KIF3A: variants seen among roughly 807,000 people sequenced by gnomAD.
KIF3A encodes the protein kinesin-like protein KIF3A.
A neutral mutation model predicts 92.6 loss-of-function variants in KIF3A; 27 were observed. The observed-to-expected ratio is 0.29, with a 90% CI of 0.21 to 0.40. KIF3A has a LOEUF of 0.40. KIF3A is among the 10% of genes least tolerant of loss of function. KIF3A has a pLI of 1.00. For missense variants in KIF3A, 581 were observed against 872.6 expected (o/e 0.67, Z 4.21); for synonymous variants, 250 against 275.4 (o/e 0.91, Z 0.92).
downstream of KIF3A, among the ~76,000 whole-genome samples, chr5:132,692,216 G>T (rs2149886371): frequency 6.6e-6 from 1 of 152,272 alleles, no homozygotes; most frequent in African/African-American, 2.4e-5. Flanking sequence ...GGAGCCAAAT[G>T]ATAAGATCTT....
intron 1 of KIF3A, 135 bp from the exon 2 acceptor site, chr5:132,734,613 TA>T: frequency 3.0e-6 from 2 of 664,846 alleles, no homozygotes; most frequent in Non-Finnish European, 2.4e-6. Context: ...AGGTATTTGT[TA>T]AATGCAATTA....
intron 2 of KIF3A, among the ~76,000 whole-genome samples, chr5:132,729,112 C>G (rs918504671): frequency 6.6e-6 from 1 of 152,054 alleles, no homozygotes; most frequent in Non-Finnish European, 1.5e-5. Context: ...ATACAGCGGA[C>G]TTTGGGAACT....
At chr5:132,696,993 T>C (rs1418503658) in intron 18 of KIF3A, among the ~76,000 whole-genome samples, 2 of 152,208 alleles carry the variant, frequency 1.3e-5, no homozygotes, top group African/African-American at 4.8e-5. Context: ...CTTGCCAGAT[T>C]TGAACTTCCT....
intron 2 of KIF3A, among the ~76,000 whole-genome samples, chr5:132,727,599 G>T (rs771049808): frequency 6.6e-6 from 1 of 152,158 alleles, no homozygotes; most frequent in Non-Finnish European, 1.5e-5. Flanking sequence ...CAGAGCTAGA[G>T]AAACTGACAA....
downstream of KIF3A, among the ~76,000 whole-genome samples, chr5:132,689,204 T>C (rs1010612654): frequency 8.5e-5 from 13 of 152,116 alleles, no homozygotes; most frequent in Non-Finnish European, 1.8e-4. Context: ...GACAGAGAAA[T>C]TGAGATAATA....
chr5:132,717,336 C>A (rs1348600810), intron 5 of KIF3A, among the ~76,000 whole-genome samples: 3 of 151,968 alleles, frequency 2.0e-5, no homozygotes, highest in African/African-American at 7.2e-5. Context: ...TGCTGGTGTA[C>A]TGCAGGAAGT....
At chr5:132,735,975 T>C (rs1219619020) in intron 1 of KIF3A, among the ~76,000 whole-genome samples, 1 of 152,238 alleles carries the variant, frequency 6.6e-6, no homozygotes, top group Non-Finnish European at 1.5e-5. Context: ...CTGTTCCTTC[T>C]ACCTAGAACC....
chr5:132,714,356 G>A (rs2149904905), intron 8 of KIF3A, among the ~76,000 whole-genome samples: 2 of 152,262 alleles, frequency 1.3e-5, no homozygotes, highest in Middle Eastern at 3.4e-3. Context: ...GATAACTGCA[G>A]AACAATGTGA....
At chr5:132,706,648 A>C (rs1470693690) in intron 10 of KIF3A, among the ~76,000 whole-genome samples, 189 bp from the exon 11 acceptor site, 1 of 152,330 alleles carries the variant, frequency 6.6e-6, no homozygotes, top group East Asian at 1.9e-4. Flanking sequence ...AAGAAAGCAT[A>C]TTCAACACAA....
In KIF3A at chr5:132,695,452, G is replaced by A. The variant is rs191765622; in HGVS notation, c.*1182C>T. On this transcript the variant is annotated 3_prime_UTR_variant, in exon 19 of 19. Coordinates refer to ENST00000403231, the MANE Select transcript of KIF3A (RefSeq NM_001300791.2). ...CTCCCAAAGTGCTGGGATTACAGGC[G>A]TGAGCCACCATGCCCGGCCAGGAGT... is the stretch of plus-strand genomic sequence containing the variant. The A allele has an allele frequency of 2.2e-4, 34 of 152,282 alleles. No individual in the cohort carries two copies. The highest frequency in any genetic ancestry group is 3.2e-4 in the Non-Finnish European group (22 of 68,036). 9.4% of individuals were successfully genotyped at this position (152,282 alleles called of 1,614,324 possible).
chr5:132,719,290 G>T (rs1002147166), intron 5 of KIF3A, among the ~76,000 whole-genome samples: 1 of 152,096 alleles, frequency 6.6e-6, no homozygotes, highest in Non-Finnish European at 1.5e-5. Flanking sequence ...ACTTATTGCT[G>T]TGCTTAGTTC....
At position 132,722,472 on chromosome 5, in the gene KIF3A, T is replaced by C. The variant is rs557430983; in HGVS notation, c.511-1758A>G. On this transcript the variant is annotated intron_variant, in intron 4 of 18. Transcript: ENST00000403231. ...GGTTCACTTGAGGACACTGTAGTTA[T>C]TGACAGGCAGGGACCAGGAATACTA... is the stretch of plus-strand genomic sequence containing the variant. 1.9e-3 allele frequency among the ~76,000 whole-genome samples: 285 copies of C among 152,314 alleles called. 1 individual carries two copies. The highest frequency in any genetic ancestry group is 3.5e-3 in the Non-Finnish European group (239 of 68,028).
At chr5:132,706,500 A>T in intron 10 of KIF3A, 41 bp from the exon 11 acceptor site, 1 of 1,525,534 alleles carries the variant, frequency 6.6e-7, no homozygotes, top group Non-Finnish European at 8.8e-7. Flanking sequence ...GACAGGAAGC[A>T]ATACGCACAG....
Position 132,703,017 on chromosome 5 carries a change from C to G in KIF3A, c.1515G>C (p.Lys505Asn), listed in dbSNP as rs749528538. ...ACAAGTCAACCCCACCAACAATTACCTTCTTTTCCAGGGCAGATAATTTTT... is the reference window on the plus strand; with the variant it reads ...ACAAGTCAACCCCACCAACAATTACGTTCTTTTCCAGGGCAGATAATTTTT... ...LLEKLSALEK[K>N]VIVGGVDLLA... Residue 505 changes from lysine to asparagine, a missense_variant, in exon 13 of 19, where the codon AAG (lysine) becomes AAC (asparagine). Around this residue, in one of 5 missense-constraint regions of KIF3A, gnomAD observed 167 missense variants for 205.8 expected, o/e 0.81. Transcript: ENST00000403231. The G allele has an allele frequency of 6.2e-7, 1 of 1,612,598 alleles. No homozygotes were observed. The highest frequency in any genetic ancestry group is 2.2e-5 in the East Asian group (1 of 44,816).
At chr5:132,708,833 G>T in intron 10 of KIF3A, 74 bp downstream of exon 10, 1 of 944,156 alleles carries the variant, frequency 1.1e-6, no homozygotes, top group Non-Finnish European at 1.7e-6. Context: ...GAGTGGTGCA[G>T]CATTGCTCAA....
intron 2 of KIF3A, 66 bp downstream of exon 2, chr5:132,734,139 G>T: frequency 1.6e-6 from 2 of 1,257,250 alleles, no homozygotes; most frequent in Non-Finnish European, 2.3e-6. Context: ...GCTGCAATAT[G>T]TGAATTTATG....
Position 132,694,449 on chromosome 5 carries a change from A to C in KIF3A, c.*2185T>G, listed in dbSNP as rs931429535. 1 of 152,196 alleles carries C rather than the reference A, an allele frequency of 6.6e-6. No individual in the cohort carries two copies. Among genetic ancestry groups the C allele is most frequent in the Non-Finnish European group, 1.5e-5 (1 of 68,016 alleles). The allele number at this position is 152,196 out of a possible 1,614,324, so 9.4% of individuals were successfully genotyped here. ...GAACTTCTCAATTGACTTTTTATAG[A>C]TCGGCTTTTTATTTTGACTTTTTAT... On this transcript the variant is annotated 3_prime_UTR_variant, in exon 19 of 19. Coordinates refer to ENST00000403231, the MANE Select transcript of KIF3A (RefSeq NM_001300791.2).
chr5:132,702,535 A>C, intron 14 of KIF3A, 23 bp downstream of exon 14: 1 of 1,364,152 alleles, frequency 7.3e-7, no homozygotes, highest in Non-Finnish European at 1.0e-6. Context: ...CTGCATTAGT[A>C]GGTAATTTCT....
chr5:132,726,595 TC>T, intron 2 of KIF3A, 97 bp from the exon 3 acceptor site: 1 of 1,071,058 alleles, frequency 9.3e-7, no homozygotes, highest in South Asian at 1.5e-5. Context: ...ATGTAATTTC[TC>T]CCCTGGATTC....
Sources: allele counts gnomAD v4.1 joint callset (sites outside exome capture counted in the v4.1 genomes callset), GRCh38; gene constraint gnomAD v4.1.1; regional missense constraint gnomAD v4.1.1; transcripts MANE v1.5; gene names NCBI Gene and HGNC (gene_info 2026-07-23, HGNC 2026-07-21).